TRIM75: variants seen among roughly 807,000 people sequenced by gnomAD.
The protein encoded by TRIM75 is tripartite motif containing 75, also known as tripartite motif-containing protein 75.
At chr4:165,056,586 TTCTCTG>T in the TRIM75 span, among the ~76,000 whole-genome samples, 36 of 147,714 alleles carry the variant, frequency 2.4e-4, 1 homozygote, top group African/African-American at 8.1e-4. Flanking sequence ...TTCTTTTTCT[TTCTCTG>T]TCTCTGTCTC....
the TRIM75 span, among the ~76,000 whole-genome samples, chr4:165,056,602 C>CTTTTTTTTTTTTTTTT: frequency 2.9e-5 from 2 of 69,962 alleles, no homozygotes; most frequent in East Asian, 4.6e-4. Flanking sequence ...GTCTCTGTCT[C>CTTTTTTTTTTTTTTTT]TTTTTTTTTT....
the TRIM75 span, among the ~76,000 whole-genome samples, chr4:165,055,213 A>G: frequency 6.6e-6 from 1 of 151,094 alleles, no homozygotes; most frequent in Non-Finnish European, 1.5e-5. Flanking sequence ...GGCTCAAGCG[A>G]TCCTCCCAGT....
chr4:165,059,012 C>G, the TRIM75 span: 1 of 601,510 alleles, frequency 1.7e-6, no homozygotes, highest in South Asian at 2.1e-5. Context: ...ATCAGTGGGA[C>G]TGTAGTGAGG....
the TRIM75 span, chr4:165,059,261 C>T: frequency 1.3e-6 from 1 of 780,504 alleles, no homozygotes; most frequent in Non-Finnish European, 2.4e-6. Context: ...TCTGTCGTTC[C>T]TGCATCCAAC....
At chr4:165,056,309 T>A in the TRIM75 span, among the ~76,000 whole-genome samples, 2 of 151,402 alleles carry the variant, frequency 1.3e-5, no homozygotes, top group East Asian at 1.9e-4. Context: ...TTTTTTTTTT[T>A]AAAGAAGTGA....
At chr4:165,055,577 C>G in the TRIM75 span, among the ~76,000 whole-genome samples, 2 of 149,910 alleles carry the variant, frequency 1.3e-5, no homozygotes, top group Admixed American at 1.3e-4. Flanking sequence ...GCCACTGTGC[C>G]CGGCGATAAC....
chr4:165,058,158 A>G, the TRIM75 span, among the ~76,000 whole-genome samples: 1 of 151,718 alleles, frequency 6.6e-6, no homozygotes, highest in African/African-American at 2.4e-5. Context: ...TTGAGCCATC[A>G]GAAATACTTT....
the TRIM75 span, among the ~76,000 whole-genome samples, chr4:165,054,145 T>C: frequency 1.3e-5 from 2 of 151,958 alleles, no homozygotes; most frequent in African/African-American, 4.8e-5. Context: ...CAGGCTGGAG[T>C]GCACTGGGGT....
the TRIM75 span, among the ~76,000 whole-genome samples, chr4:165,056,164 A>G: frequency 0.029 from 4,443 of 152,026 alleles, 101 homozygotes; most frequent in Non-Finnish European, 0.046. Context: ...TCTTTAAAAT[A>G]TATATATTTT....
chr4:165,059,018 T>G, the TRIM75 span: 5 of 611,872 alleles, frequency 8.2e-6, no homozygotes, highest in Non-Finnish European at 1.5e-5. Flanking sequence ...GGGACTGTAG[T>G]GAGGTCATCA....
At chr4:165,059,764 C>A in the TRIM75 span, 1 of 780,854 alleles carries the variant, frequency 1.3e-6, no homozygotes, top group Non-Finnish European at 2.4e-6. Flanking sequence ...TCCAGATTAG[C>A]TGAAGAAGAG....
At chr4:165,060,089 AC>A in the TRIM75 span, 40 of 780,774 alleles carry the variant, frequency 5.1e-5, no homozygotes, top group Non-Finnish European at 8.6e-5. Flanking sequence ...AAGATAAAAA[AC>A]GTGTGAGATT....
the TRIM75 span, among the ~76,000 whole-genome samples, chr4:165,056,361 G>C: frequency 6.6e-6 from 1 of 151,638 alleles, no homozygotes; most frequent in South Asian, 2.1e-4. Context: ...GCAGACTTGA[G>C]CTGAGGGATC....
chr4:165,057,982 T>C, the TRIM75 span, among the ~76,000 whole-genome samples: 3 of 152,222 alleles, frequency 2.0e-5, no homozygotes, highest in African/African-American at 7.2e-5. Context: ...CATTTAGACA[T>C]AATGACATTT....
the TRIM75 span, among the ~76,000 whole-genome samples, chr4:165,057,045 G>T: frequency 6.6e-6 from 1 of 152,050 alleles, no homozygotes; most frequent in African/African-American, 2.4e-5. Flanking sequence ...TTTTATCCTA[G>T]GATATACTGT....
At chr4:165,057,521 T>C in the TRIM75 span, among the ~76,000 whole-genome samples, 1 of 152,110 alleles carries the variant, frequency 6.6e-6, no homozygotes, top group East Asian at 1.9e-4. Context: ...TTTTTAAGTA[T>C]TTTTTTGTTT....
At chr4:165,060,328 A>G in the TRIM75 span, 2 of 780,932 alleles carry the variant, frequency 2.6e-6, no homozygotes, top group Non-Finnish European at 4.8e-6. Flanking sequence ...GATGATGGCT[A>G]TCATGCACCA....
the TRIM75 span, among the ~76,000 whole-genome samples, chr4:165,057,114 T>C: frequency 3.3e-5 from 5 of 152,200 alleles, no homozygotes; most frequent in African/African-American, 1.2e-4. Flanking sequence ...TACTGCCTTG[T>C]ATAGAATGTA....
At chr4:165,059,723 G>C in the TRIM75 span, 13 of 780,802 alleles carry the variant, frequency 1.7e-5, no homozygotes, top group Non-Finnish European at 1.2e-5. Context: ...ACCTCAACCA[G>C]TTTTTAGACC....
Sources: allele counts gnomAD v4.1 joint callset (sites outside exome capture counted in the v4.1 genomes callset), GRCh38; gene constraint gnomAD v4.1.1; transcripts MANE v1.5; gene names NCBI Gene and HGNC (gene_info 2026-07-23, HGNC 2026-07-21).